Variants in SLC44A5 observed in about 807,000 individuals in gnomAD.
The protein encoded by SLC44A5 is solute carrier family 44 member 5.
SLC44A5 carries 57 observed loss-of-function variants against 101.8 expected under a neutral mutation model. The observed-to-expected ratio is 0.56, with a 90% CI of 0.45 to 0.70. SLC44A5 has a LOEUF of 0.70. Ranked by LOEUF, SLC44A5 falls within the 30% of genes least tolerant of loss-of-function variation. The pLI, the probability that SLC44A5 is intolerant of heterozygous loss-of-function variation, is 0.00. For missense variants in SLC44A5, 737 were observed against 853.1 expected (o/e 0.86, Z 1.70); for synonymous variants, 281 against 290.9 (o/e 0.97, Z 0.35).
At chr1:75,206,367 G>A (rs967746640) in intron 23 of SLC44A5, 2 of 394,136 alleles carry the variant, frequency 5.1e-6, no homozygotes, top group Non-Finnish European at 9.0e-6. Flanking sequence ...AAACACTCTC[G>A]GCTACAGATT....
intron 2 of SLC44A5, among the ~76,000 whole-genome samples, chr1:75,484,704 G>C (rs1668062188): frequency 1.3e-5 from 2 of 152,210 alleles, no homozygotes; most frequent in African/African-American, 4.8e-5. Context: ...TTCTCCACAA[G>C]GGTTCCACCC....
At position 75,487,361 on chromosome 1, in the gene SLC44A5, C is replaced by A. The variant is rs540028315; in HGVS notation, c.13+54074G>T. ...AACCTGATATATAAAATGAATCTAG[C>A]CTTGCAAATAGGGCAAAAATAGCTC... On this transcript the variant is annotated intron_variant, in intron 2 of 23. Coordinates refer to ENST00000370859, the MANE Select transcript of SLC44A5 (RefSeq NM_001130058.2). Among the ~76,000 whole-genome samples, 4 of 152,060 alleles carry A rather than the reference C, an allele frequency of 2.6e-5. No homozygotes were observed. The South Asian group carries it at 6.2e-4, about 24-fold the overall frequency.
At chr1:75,707,701 T>C in the SLC44A5 span, among the ~76,000 whole-genome samples, 3 of 152,208 alleles carry the variant, frequency 2.0e-5, no homozygotes, top group East Asian at 5.8e-4. Flanking sequence ...CCTCTTGTCA[T>C]TGTTTTGAAA....
chr1:75,411,253 G>C (rs919501880), intron 2 of SLC44A5, among the ~76,000 whole-genome samples: 3 of 152,074 alleles, frequency 2.0e-5, no homozygotes, highest in Non-Finnish European at 4.4e-5. Context: ...GAAGAAAGGG[G>C]TCTCAAGTCC....
the SLC44A5 span, among the ~76,000 whole-genome samples, chr1:75,656,878 G>A: frequency 9.2e-5 from 14 of 152,172 alleles, no homozygotes; most frequent in African/African-American, 3.4e-4. Context: ...ACCAGGCATG[G>A]TGGCTCATGC....
chr1:75,552,794 T>A (rs2101985046), intron 1 of SLC44A5, among the ~76,000 whole-genome samples: 1 of 152,282 alleles, frequency 6.6e-6, no homozygotes, highest in African/African-American at 2.4e-5. Flanking sequence ...AGAGAAGCTC[T>A]TTTATTTTTT....
chr1:75,662,166 G>T, the SLC44A5 span, among the ~76,000 whole-genome samples: 61 of 152,116 alleles, frequency 4.0e-4, no homozygotes, highest in South Asian at 7.7e-3. Flanking sequence ...ATTTTATTCA[G>T]TCATAAAAAA....
At position 75,603,500 on chromosome 1, in the gene SLC44A5, T is replaced by C. The variant is rs150541190; in HGVS notation, c.-70+7540A>G. Among the ~76,000 whole-genome samples, 868 of 152,116 alleles carry C rather than the reference T, an allele frequency of 5.7e-3. 15 individuals are homozygous for C. The highest frequency in any genetic ancestry group is 0.035 in the Admixed American group (530 of 15,252). On this transcript the variant is annotated intron_variant, in intron 1 of 23. Transcript: ENST00000370859. ...TTGTTTTTTGAGGATATATGCCCAG[T>C]AGTGGGATTGCTGGGTCAAGTGGTA...
intron 3 of SLC44A5, among the ~76,000 whole-genome samples, chr1:75,343,012 T>C (rs1248247524): frequency 4.9e-4 from 74 of 152,228 alleles, no homozygotes; most frequent in Non-Finnish European, 4.4e-5. Flanking sequence ...TAGAGGGCAG[T>C]GCTTTTATAG....
intron 2 of SLC44A5, among the ~76,000 whole-genome samples, chr1:75,487,625 T>A (rs1013085814): frequency 1.3e-5 from 2 of 152,246 alleles, no homozygotes; most frequent in African/African-American, 4.8e-5. Flanking sequence ...TACGTTGAGA[T>A]GATTTTTGGC....
At chr1:75,421,327 G>T (rs922819018) in intron 2 of SLC44A5, among the ~76,000 whole-genome samples, 1 of 151,976 alleles carries the variant, frequency 6.6e-6, no homozygotes. Flanking sequence ...ACCCTATTTC[G>T]CCTGAAGACT....
intron 1 of SLC44A5, among the ~76,000 whole-genome samples, chr1:75,571,579 T>C (rs1673075680): frequency 1.3e-5 from 2 of 152,186 alleles, no homozygotes; most frequent in Admixed American, 1.3e-4. Flanking sequence ...AGATATTCAA[T>C]ACTTTTTTAT....
intron 1 of SLC44A5, among the ~76,000 whole-genome samples, chr1:75,545,496 A>G (rs1045893373): frequency 6.6e-6 from 1 of 152,144 alleles, no homozygotes; most frequent in Admixed American, 6.5e-5. Flanking sequence ...ATGCTTTTTC[A>G]GCAGGAATAC....
chr1:75,404,342 A>G (rs1177604304), intron 2 of SLC44A5, among the ~76,000 whole-genome samples: 1 of 152,178 alleles, frequency 6.6e-6, no homozygotes, highest in Admixed American at 6.5e-5. Context: ...CAGGAAATAC[A>G]GAGAACACCA....
At chr1:75,335,812 C>T (rs954447449) in intron 4 of SLC44A5, among the ~76,000 whole-genome samples, 1 of 152,180 alleles carries the variant, frequency 6.6e-6, no homozygotes, top group Admixed American at 6.5e-5. Flanking sequence ...AAAAGTGCCT[C>T]CCATAAATTA....
At chr1:75,270,279 A>G (rs1349999294) in intron 6 of SLC44A5, among the ~76,000 whole-genome samples, 2 of 152,174 alleles carry the variant, frequency 1.3e-5, no homozygotes, top group Admixed American at 6.6e-5. Context: ...AATTTAGAGT[A>G]ACTTATTAAA....
intron 1 of SLC44A5, among the ~76,000 whole-genome samples, chr1:75,546,930 A>G (rs1200195709): frequency 6.6e-6 from 1 of 152,240 alleles, no homozygotes; most frequent in Non-Finnish European, 1.5e-5. Context: ...ATGCTAAGAC[A>G]TCACTTTGAA....
intron 1 of SLC44A5, among the ~76,000 whole-genome samples, chr1:75,580,107 C>G (rs899076964): frequency 2.6e-5 from 4 of 151,756 alleles, no homozygotes; most frequent in Non-Finnish European, 5.9e-5. Flanking sequence ...GAGAGTCTTT[C>G]ATTTAAGCAC....
intron 2 of SLC44A5, among the ~76,000 whole-genome samples, chr1:75,463,403 G>C (rs1666619723): frequency 1.7e-5 from 2 of 117,414 alleles, no homozygotes; most frequent in Admixed American, 1.1e-4. Context: ...CTGGGCTAAA[G>C]AGCGGGACTC....
Sources: allele counts gnomAD v4.1 joint callset (sites outside exome capture counted in the v4.1 genomes callset), GRCh38; gene constraint gnomAD v4.1.1; transcripts MANE v1.5; gene names NCBI Gene and HGNC (gene_info 2026-07-23, HGNC 2026-07-21).